The following BLTP1 variants were observed in gnomAD, a reference collection of about 807,000 sequenced individuals.
BLTP1 encodes the protein bridge-like lipid transfer protein family member 1, also known as fragile site-associated protein.
chr4:122,331,253 C>T, the BLTP1 span: 1 of 1,494,836 alleles, frequency 6.7e-7, no homozygotes, highest in Non-Finnish European at 8.9e-7. Context: ...GCTCACATAA[C>T]ATGTTGGAAA....
the BLTP1 span, among the ~76,000 whole-genome samples, chr4:122,242,394 T>C: frequency 3.3e-5 from 5 of 152,296 alleles, no homozygotes; most frequent in Admixed American, 2.0e-4. Flanking sequence ...AAATACCTCA[T>C]GATTTCACTC....
At chr4:122,187,974 C>G in the BLTP1 span, 1 of 1,596,016 alleles carries the variant, frequency 6.3e-7, no homozygotes, top group East Asian at 2.3e-5. Context: ...ACTTATACTA[C>G]AAAACCACCT....
the BLTP1 span, chr4:122,167,921 TA>T: frequency 1.2e-4 from 114 of 982,530 alleles, no homozygotes; most frequent in Non-Finnish European, 1.3e-4. Context: ...GATTTTGCAA[TA>T]GATTACCATA....
chr4:122,310,165 T>C, the BLTP1 span, among the ~76,000 whole-genome samples: 1 of 152,106 alleles, frequency 6.6e-6, no homozygotes, highest in African/African-American at 2.4e-5. Context: ...GCCCATTGTT[T>C]ATGTAATTTT....
the BLTP1 span, among the ~76,000 whole-genome samples, chr4:122,303,697 A>G: frequency 6.6e-6 from 1 of 152,196 alleles, no homozygotes; most frequent in Non-Finnish European, 1.5e-5. Context: ...AAGTAAATGC[A>G]GACAGGGTGG....
At chr4:122,294,645 C>CA in the BLTP1 span, among the ~76,000 whole-genome samples, 178 of 152,206 alleles carry the variant, frequency 1.2e-3, 1 homozygote, top group African/African-American at 4.2e-3. Flanking sequence ...GATATGCCCG[C>CA]AAAGATGAGA....
the BLTP1 span, chr4:122,291,712 G>T: frequency 1.0e-6 from 1 of 977,688 alleles, no homozygotes; most frequent in South Asian, 4.7e-5. Flanking sequence ...ATATAAGGAG[G>T]TTACCATCTT....
the BLTP1 span, chr4:122,227,411 T>C: frequency 1.0e-6 from 1 of 984,106 alleles, no homozygotes; most frequent in Non-Finnish European, 1.2e-6. Context: ...AGTATTATTG[T>C]GCAATAAATA....
At chr4:122,243,069 G>A in the BLTP1 span, 1 of 1,612,102 alleles carries the variant, frequency 6.2e-7, no homozygotes. Context: ...CAACTTCAAA[G>A]TAAGTAAAAA....
the BLTP1 span, among the ~76,000 whole-genome samples, chr4:122,182,000 C>A: frequency 6.6e-6 from 1 of 152,044 alleles, no homozygotes; most frequent in Non-Finnish European, 1.5e-5. Flanking sequence ...GGTGTGGAAT[C>A]TTTTTTTCTA....
chr4:122,258,697 T>C, the BLTP1 span: 4 of 1,612,182 alleles, frequency 2.5e-6, no homozygotes, highest in Non-Finnish European at 3.4e-6. Flanking sequence ...TTGAACTGTT[T>C]CAGCCACAGT....
chr4:122,240,476 G>A, the BLTP1 span: 1 of 773,986 alleles, frequency 1.3e-6, no homozygotes, highest in South Asian at 1.8e-5. Context: ...ACTTTCTGAA[G>A]CCATAGCTTT....
chr4:122,340,600 A>G, the BLTP1 span: 1 of 307,644 alleles, frequency 3.3e-6, no homozygotes, highest in African/African-American at 2.3e-5. Flanking sequence ...GGTTATAGGA[A>G]ATCATTTGTT....
the BLTP1 span, chr4:122,188,093 G>A: frequency 6.8e-7 from 1 of 1,464,464 alleles, no homozygotes; most frequent in East Asian, 2.5e-5. Context: ...TGATGAGTAA[G>A]AAAATCTTAT....
the BLTP1 span, chr4:122,331,548 AATTG>A: frequency 2.5e-6 from 4 of 1,608,454 alleles, no homozygotes; most frequent in Admixed American, 5.0e-5. Flanking sequence ...GAAGGTAAGA[AATTG>A]ATTGGAAAAG....
At chr4:122,193,893 C>T in the BLTP1 span, among the ~76,000 whole-genome samples, 1 of 151,906 alleles carries the variant, frequency 6.6e-6, no homozygotes, top group African/African-American at 2.4e-5. Context: ...GACGGAGTCT[C>T]GCTCTGTCGC....
chr4:122,296,470 A>G, the BLTP1 span, among the ~76,000 whole-genome samples: 1 of 152,232 alleles, frequency 6.6e-6, no homozygotes, highest in Non-Finnish European at 1.5e-5. Flanking sequence ...AAGAGTCAAT[A>G]TTGTGAAAAT....
chr4:122,229,703 T>A, the BLTP1 span: 1 of 961,996 alleles, frequency 1.0e-6, no homozygotes, highest in Non-Finnish European at 1.2e-6. Flanking sequence ...GCTTTTTTCC[T>A]TTTCTCCTTT....
chr4:122,252,069 T>C, the BLTP1 span, among the ~76,000 whole-genome samples: 1 of 152,092 alleles, frequency 6.6e-6, no homozygotes, highest in Non-Finnish European at 1.5e-5. Flanking sequence ...ACCCACTGCA[T>C]TGAAGGAAAG....
Sources: gnomAD v4.1 joint callset for allele counts (sites outside exome capture counted in the v4.1 genomes callset) on GRCh38, gnomAD v4.1.1 for gene constraint, MANE v1.5 for transcripts, NCBI Gene and HGNC (gene_info 2026-07-23, HGNC 2026-07-21) for gene names.